The following PTPRD variants were observed in gnomAD, a reference collection of about 807,000 sequenced individuals.
PTPRD encodes the protein receptor-type tyrosine-protein phosphatase delta.
A neutral mutation model predicts 214.5 loss-of-function variants in PTPRD; 34 were observed. The observed-to-expected ratio is 0.16, with a 90% CI of 0.12 to 0.21. PTPRD has a LOEUF of 0.21. Ranked by LOEUF, PTPRD falls within the 10% of genes least tolerant of loss-of-function variation. The pLI is 1.00. For synonymous variants in PTPRD, 1,128 were observed against 845.7 expected (o/e 1.33, Z -5.79); for missense variants, 2,545 against 2,398.7 (o/e 1.06, Z -1.27).
At chr9:10,034,407 CTTTTTT>C (rs56827836) in intron 3 of PTPRD, among the ~76,000 whole-genome samples, 13,800 of 89,478 alleles carry the variant, frequency 0.15, 759 homozygotes, top group East Asian at 0.27. Flanking sequence ...CCTGGCTCTA[CTTTTTT>C]TTTTTTTTTT....
At chr9:10,392,041 C>T (rs1292487441) in intron 2 of PTPRD, among the ~76,000 whole-genome samples, 1 of 151,492 alleles carries the variant, frequency 6.6e-6, no homozygotes, top group South Asian at 2.1e-4. Context: ...TTTTATTTTT[C>T]TTCTTCTTCT....
intron 11 of PTPRD, among the ~76,000 whole-genome samples, chr9:8,738,777 C>CAAA (rs1353289046): frequency 6.6e-6 from 1 of 151,590 alleles, no homozygotes; most frequent in Non-Finnish European, 1.5e-5. Context: ...ATTAAAAAAA[C>CAAA]AAAAACAAAA....
chr9:9,678,447 T>C (rs1296662107), intron 7 of PTPRD, among the ~76,000 whole-genome samples: 1 of 151,948 alleles, frequency 6.6e-6, no homozygotes, highest in African/African-American at 2.4e-5. Context: ...TTGACAAACC[T>C]GACAAAAACA....
intron 3 of PTPRD, among the ~76,000 whole-genome samples, chr9:10,110,373 G>A (rs1462230312): frequency 6.6e-6 from 1 of 152,098 alleles, no homozygotes; most frequent in Admixed American, 6.5e-5. Context: ...CTTCAACATC[G>A]CATGACTAAG....
At chr9:9,738,918 G>A (rs181618386) in intron 6 of PTPRD, among the ~76,000 whole-genome samples, 2 of 152,084 alleles carry the variant, frequency 1.3e-5, no homozygotes, top group South Asian at 4.1e-4. Context: ...ACATCTTTCA[G>A]TAGATGCATT....
intron 11 of PTPRD, among the ~76,000 whole-genome samples, chr9:8,846,228 C>T (rs1486074174): frequency 6.6e-6 from 1 of 152,106 alleles, no homozygotes; most frequent in Non-Finnish European, 1.5e-5. Context: ...CCATCGTAAA[C>T]TGTAGAACCT....
chr9:9,931,061 G>C (rs2086315201), intron 5 of PTPRD, among the ~76,000 whole-genome samples: 1 of 151,946 alleles, frequency 6.6e-6, no homozygotes, highest in Non-Finnish European at 1.5e-5. Flanking sequence ...AGAAAATATG[G>C]TGACTATTTT....
intron 2 of PTPRD, among the ~76,000 whole-genome samples, chr9:10,509,557 T>TTTTATATATATATA (rs1555449948): frequency 3.7e-5 from 4 of 106,690 alleles, no homozygotes; most frequent in Admixed American, 9.7e-5. Flanking sequence ...TTAATAAATA[T>TTTTATATATATATA]TATATATATA....
intron 7 of PTPRD, among the ~76,000 whole-genome samples, chr9:9,644,286 G>A (rs2096070532): frequency 6.6e-6 from 1 of 152,078 alleles, no homozygotes; most frequent in African/African-American, 2.4e-5. Flanking sequence ...GAACTGGGAG[G>A]GGAAGAGGAA....
intron 11 of PTPRD, among the ~76,000 whole-genome samples, chr9:8,793,356 G>A (rs1221842187): frequency 2.6e-5 from 4 of 152,158 alleles, no homozygotes; most frequent in Admixed American, 2.6e-4. Flanking sequence ...ATGGAAGTAA[G>A]AATGCTTGTC....
In PTPRD at chr9:8,521,506, A is replaced by G. The variant is rs757841258; in HGVS notation, c.732T>C (p.Asn244=). 7 of 1,613,986 alleles carry G rather than the reference A, an allele frequency of 4.3e-6. No homozygotes were observed. Among genetic ancestry groups the G allele is most frequent in the Non-Finnish European group, 5.9e-6 (7 of 1,179,912 alleles). ...CGCTTCCGCCTGGCATGATTTCATG[A>G]TTAGTGGGTGGGATAGAGAATCTTG... ...VPPRFSIPPT[N]HEIMPGGSVN... The change falls in exon 20 of 46, where the codon AAT becomes AAC. Residue 244 remains asparagine, a synonymous_variant. Transcript: ENST00000381196.
At chr9:9,445,687 G>T (rs778709977) in intron 8 of PTPRD, among the ~76,000 whole-genome samples, 5 of 151,994 alleles carry the variant, frequency 3.3e-5, no homozygotes, top group African/African-American at 1.2e-4. Context: ...AGCGGCATGG[G>T]GTAAATGCCC....
At chr9:8,378,938 T>C (rs1219246721) in intron 37 of PTPRD, among the ~76,000 whole-genome samples, 2 of 151,976 alleles carry the variant, frequency 1.3e-5, no homozygotes, top group African/African-American at 2.4e-5. Context: ...ATCCTTACAT[T>C]TCTAGTAATA....
chr9:10,089,160 T>C (rs1163806936), intron 3 of PTPRD, among the ~76,000 whole-genome samples: 1 of 151,098 alleles, frequency 6.6e-6, no homozygotes, highest in African/African-American at 2.4e-5. Context: ...TGAGCTATGA[T>C]AGTGCCAAGC....
chr9:10,104,366 G>A (rs932192271), intron 3 of PTPRD, among the ~76,000 whole-genome samples: 7 of 151,520 alleles, frequency 4.6e-5, no homozygotes, highest in Non-Finnish European at 1.0e-4. Flanking sequence ...AGAATTTAAT[G>A]GCTTGATGAA....
intron 12 of PTPRD, among the ~76,000 whole-genome samples, chr9:8,728,032 G>A (rs1294812925): frequency 6.6e-6 from 1 of 152,176 alleles, no homozygotes; most frequent in African/African-American, 2.4e-5. Context: ...CGGATCACCT[G>A]AGGTCGGGAG....
intron 6 of PTPRD, among the ~76,000 whole-genome samples, chr9:9,756,790 CCA>C (rs1334062579): frequency 1.3e-5 from 2 of 152,090 alleles, no homozygotes; most frequent in African/African-American, 4.8e-5. Context: ...ATTCCAGAGA[CCA>C]CAGTCTTAAA....
intron 8 of PTPRD, among the ~76,000 whole-genome samples, chr9:9,533,756 G>A (rs2075976105): frequency 6.6e-6 from 1 of 151,954 alleles, no homozygotes; most frequent in Non-Finnish European, 1.5e-5. Context: ...AGACCATTGA[G>A]CAAAGGATAT....
At chr9:9,831,473 T>C (rs558585211) in intron 5 of PTPRD, among the ~76,000 whole-genome samples, 1 of 152,098 alleles carries the variant, frequency 6.6e-6, no homozygotes, top group South Asian at 2.1e-4. Flanking sequence ...CCCAATCATC[T>C]AAAGTTTCTG....
Sources: allele counts gnomAD v4.1 joint callset (sites outside exome capture counted in the v4.1 genomes callset), GRCh38; gene constraint gnomAD v4.1.1; transcripts MANE v1.5; gene names NCBI Gene and HGNC (gene_info 2026-07-23, HGNC 2026-07-21).